Variants in STEAP2 observed in about 807,000 individuals in gnomAD.
STEAP2 encodes metalloreductase STEAP2.
STEAP2 carries 30 observed loss-of-function variants against 46.4 expected under a neutral mutation model. The observed-to-expected ratio is 0.65, with a 90% CI of 0.48 to 0.88. The LOEUF (loss-of-function observed/expected upper bound fraction) is 0.88. Ranked by LOEUF, STEAP2 falls within the 40% of genes least tolerant of loss-of-function variation. STEAP2 has a pLI of 0.00. For synonymous variants in STEAP2, 180 were observed against 200.5 expected (o/e 0.90, Z 0.86); for missense variants, 513 against 579.3 (o/e 0.89, Z 1.18).
intron 2 of STEAP2, among the ~76,000 whole-genome samples, chr7:90,223,680 A>C (rs1342667421): frequency 6.6e-6 from 1 of 152,214 alleles, no homozygotes; most frequent in African/African-American, 2.4e-5. Context: ...AAAAGATTTC[A>C]TACATATTAT....
Position 90,236,408 on chromosome 7 carries a change from T to TA in STEAP2, c.*3785dup. 1 of 985,380 alleles carries TA rather than the reference T, an allele frequency of 1.0e-6. No individual in the cohort carries two copies. The highest frequency in any genetic ancestry group is 4.7e-5 in the South Asian group (1 of 21,296). 61.0% of individuals were successfully genotyped at this position (985,380 alleles called of 1,614,324 possible). A position where few individuals can be genotyped will look rare whatever the true frequency, so the allele number is the denominator to read the frequency against. On this transcript the variant is annotated 3_prime_UTR_variant, in exon 6 of 6. Coordinates refer to ENST00000394621, the MANE Select transcript of STEAP2 (RefSeq NM_001244944.2). ...AATCCATGACTTAAAACAAGATACA[T>TA]ACATAGTATAACACACCTCACAGTG...
Position 90,234,283 on chromosome 7 carries a change from C to A in STEAP2, c.*1659C>A. On this transcript the variant is annotated 3_prime_UTR_variant, in exon 6 of 6. Transcript: ENST00000394621. ...ACTGTAGAATGCCCTACATTCCCCC[C>A]ACCCCAATTTGCTATTTCCTTATTA... The A allele has an allele frequency of 1.0e-6, 1 of 985,312 alleles. No homozygotes were observed. Among genetic ancestry groups the A allele is most frequent in the Non-Finnish European group, 1.2e-6 (1 of 829,906 alleles). 61.0% of individuals were successfully genotyped at this position (985,312 alleles called of 1,614,324 possible). A position where few individuals can be genotyped will look rare whatever the true frequency, so the allele number is the denominator to read the frequency against.
intron 1 of STEAP2, among the ~76,000 whole-genome samples, chr7:90,214,395 G>A (rs1408560634): frequency 4.6e-5 from 7 of 152,134 alleles, no homozygotes; most frequent in Admixed American, 4.6e-4. Flanking sequence ...GTCACAGAAA[G>A]AGGTCATAAC....
intron 2 of STEAP2, among the ~76,000 whole-genome samples, chr7:90,222,725 T>C (rs1345674487): frequency 6.6e-6 from 1 of 152,212 alleles, no homozygotes; most frequent in African/African-American, 2.4e-5. Flanking sequence ...ACTATAATTA[T>C]TGTCTTTCTA....
At chr7:90,220,765 A>G (rs900935934) in intron 2 of STEAP2, among the ~76,000 whole-genome samples, 2 of 152,138 alleles carry the variant, frequency 1.3e-5, no homozygotes, top group Non-Finnish European at 1.5e-5. Context: ...GTGCTTGTTG[A>G]TATAAGCTTC....
Position 90,229,802 on chromosome 7 carries a change from G to A in STEAP2, c.1021-70G>A. On this transcript the variant is annotated intron_variant, in intron 4 of 5. Transcript: ENST00000394621. ...TATGACCAGGTTCTTCTTATGCCAA[G>A]AGTGAACTCTGTGCTGAATCAGTTA... 2.6e-6 allele frequency: 4 copies of A among 1,555,284 alleles called. No individual in the cohort carries two copies. In the East Asian group the frequency reaches 6.8e-5, roughly 26 times the overall value.
In STEAP2 at chr7:90,233,953, A is replaced by T; in HGVS notation, c.*1329A>T. On this transcript the variant is annotated 3_prime_UTR_variant, in exon 6 of 6. Coordinates refer to ENST00000394621, the MANE Select transcript of STEAP2 (RefSeq NM_001244944.2). ...GTTACTTACCCTATTCTTGCTTGGA[A>T]CATGAGCCTGGAGACCCATGGCAGT... 5.1e-6 allele frequency: 5 copies of T among 985,372 alleles called. No homozygotes were observed. The highest frequency in any genetic ancestry group is 6.0e-6 in the Non-Finnish European group (5 of 829,930). 61.0% of individuals were successfully genotyped at this position (985,372 alleles called of 1,614,324 possible).
rs773255578 is a variant in STEAP2, at chr7:90,227,239, T to C, written c.761T>C (p.Ile254Thr). The C allele has an allele frequency of 3.2e-5, 52 of 1,613,792 alleles. No individual in the cohort carries two copies. Among genetic ancestry groups the C allele is most frequent in the Non-Finnish European group, 4.0e-5 (47 of 1,179,874 alleles). ...QSDFYKIPIE[I>T]VNKTLPIVAI... is the part of the protein sequence containing the mutation. ...GACTTTTACAAAATTCCTATAGAGATTGTGAATAAAACCTTACCTATAGTT... is the reference window on the plus strand; with the variant it reads ...GACTTTTACAAAATTCCTATAGAGACTGTGAATAAAACCTTACCTATAGTT... Residue 254 changes from isoleucine (I) to threonine (T), a missense_variant, in exon 4 of 6, where the codon ATT (isoleucine) becomes ACT (threonine). By Grantham distance (89) the Ile-to-Thr change is moderately conservative (BLOSUM62 -1). Coordinates refer to ENST00000394621, the MANE Select transcript of STEAP2 (RefSeq NM_001244944.2).
At chr7:90,213,748 G>A (rs1055482681) in intron 1 of STEAP2, 2 of 152,090 alleles carry the variant, frequency 1.3e-5, no homozygotes, top group African/African-American at 2.4e-5. Flanking sequence ...TCCAATGGGG[G>A]AAATAGTAAA....
At chr7:90,212,702 G>A (rs1480196451) in intron 1 of STEAP2, among the ~76,000 whole-genome samples, 2 of 152,168 alleles carry the variant, frequency 1.3e-5, no homozygotes, top group East Asian at 3.9e-4. Flanking sequence ...ACCCCGTGGA[G>A]AAGGATTGGT....
chr7:90,227,136 A>C lies in STEAP2; in HGVS notation c.658A>C (p.Ile220Leu). ...TLWRGPVVVA[I>L]SLATFFFLYS... The stretch of plus-strand genomic sequence containing the variant: ...CTGGAGAGGGCCAGTGGTGGTAGCT[A>C]TAAGCTTGGCCACATTTTTTTTCCT... Residue 220 changes from isoleucine (I) to leucine (L), a missense_variant, in exon 4 of 6, where the codon ATA (isoleucine) becomes CTA (leucine). By Grantham distance (5) the Ile-to-Leu change is conservative (BLOSUM62 2). Transcript: ENST00000394621. The C allele has an allele frequency of 1.2e-6, 2 of 1,613,780 alleles. No individual in the cohort carries two copies.
rs1054531633 is a variant in STEAP2 at position 90,227,212 on chromosome 7, G to A, written c.734G>A (p.Ser245Asn). ...VIHPYARNQQSDFYKIPIEIV... is the reference protein window; with the variant it reads ...VIHPYARNQQNDFYKIPIEIV... ...CATCCATATGCTAGAAACCAACAGA[G>A]TGACTTTTACAAAATTCCTATAGAG... Residue 245 changes from serine to asparagine, a missense_variant, in exon 4 of 6, where the codon AGT becomes AAT. Transcript: ENST00000394621. 1.2e-6 allele frequency: 2 copies of A among 1,613,678 alleles called. No homozygotes were observed. The highest frequency in any genetic ancestry group is 2.7e-5 in the African/African-American group (2 of 74,874).
At chr7:90,223,056 T>G (rs1795320824) in intron 2 of STEAP2, among the ~76,000 whole-genome samples, 1 of 152,164 alleles carries the variant, frequency 6.6e-6, no homozygotes, top group Non-Finnish European at 1.5e-5. Context: ...CAGATGCTAG[T>G]CTCTCAACTA....
rs544642478 is a variant in STEAP2, at chr7:90,237,113, A to T, written c.*4489A>T. On this transcript the variant is annotated 3_prime_UTR_variant, in exon 6 of 6. Coordinates refer to ENST00000394621, the MANE Select transcript of STEAP2 (RefSeq NM_001244944.2). ...TCTTGCTGCTGGGATTGTGGATATA[A>T]CAGGAGCCCTGGCAGCTGTCTCCAG... The T allele has an allele frequency of 1.4e-6, 1 of 715,346 alleles. No homozygotes were observed. Among genetic ancestry groups the T allele is most frequent in the Admixed American group, 3.1e-5 (1 of 31,936 alleles). The allele number at this position is 715,346 out of a possible 1,614,324, so 44.3% of individuals were successfully genotyped here.
intron 4 of STEAP2, among the ~76,000 whole-genome samples, chr7:90,228,207 G>A (rs1464724794): frequency 6.6e-6 from 1 of 152,148 alleles, no homozygotes; most frequent in African/African-American, 2.4e-5. Flanking sequence ...CCCTGAAGCT[G>A]TTTGGTGTAG....
chr7:90,239,148 G>A (rs1171817859), downstream of STEAP2, among the ~76,000 whole-genome samples: 2 of 152,178 alleles, frequency 1.3e-5, no homozygotes, highest in African/African-American at 4.8e-5. Flanking sequence ...ACCTCAGAAT[G>A]TATTTGGAGA....
chr7:90,217,540 C>T (rs1364195552), intron 2 of STEAP2, among the ~76,000 whole-genome samples: 1 of 152,072 alleles, frequency 6.6e-6, no homozygotes, highest in African/African-American at 2.4e-5. Flanking sequence ...GGTTATTTCA[C>T]TTAACATAAT....
rs546276111 is a variant in STEAP2 at position 90,215,019 on chromosome 7, A to G, written c.-146-1472A>G. Among the ~76,000 whole-genome samples, 274 of 152,332 alleles carry G rather than the reference A, an allele frequency of 1.8e-3. 2 individuals are homozygous for G. Among genetic ancestry groups the G allele is most frequent in the African/African-American group, 6.4e-3 (267 of 41,562 alleles). On this transcript the variant is annotated intron_variant, in intron 1 of 5. Coordinates refer to ENST00000394621, the MANE Select transcript of STEAP2 (RefSeq NM_001244944.2). ...ATACTGGGAGCCAGAGTCTGCAGTC[A>G]TAAGGAATAAACTAGAAGTCAGTAG...
At position 90,235,415 on chromosome 7, in the gene STEAP2, A is replaced by C. The variant is rs1231721126; in HGVS notation, c.*2791A>C. On this transcript the variant is annotated 3_prime_UTR_variant, in exon 6 of 6. Transcript: ENST00000394621. ...TACCTCTATGTGATTATTTTTCTTA[A>C]TTGTTATTTTTTATAATCATTATTT... The C allele has an allele frequency of 1.0e-6, 1 of 979,432 alleles. No individual in the cohort carries two copies. The highest frequency in any genetic ancestry group is 1.1e-4 in the East Asian group (1 of 8,800). The allele number at this position is 979,432 out of a possible 1,614,324, so 60.7% of individuals were successfully genotyped here. A position where few individuals can be genotyped will look rare whatever the true frequency, so the allele number is the denominator to read the frequency against.
Sources: allele counts gnomAD v4.1 joint callset (sites outside exome capture counted in the v4.1 genomes callset), GRCh38; gene constraint gnomAD v4.1.1; transcripts MANE v1.5; gene names NCBI Gene and HGNC (gene_info 2026-07-23, HGNC 2026-07-21).